The following RAD54B variants were observed in gnomAD, a reference collection of about 807,000 sequenced individuals.
RAD54B encodes the protein DNA repair and recombination protein RAD54B.
In RAD54B, 78 loss-of-function variants were observed where a neutral mutation model predicts 95.8. That is an observed-to-expected ratio of 0.81 (90% CI 0.68 to 0.98). The LOEUF (loss-of-function observed/expected upper bound fraction) is 0.98. Among genes scored for constraint, RAD54B ranks in the 50% least tolerant of loss-of-function variants. The pLI, the probability that RAD54B is intolerant of heterozygous loss-of-function variation, is 0.00. For missense variants in RAD54B, 957 were observed against 1,056.6 expected (o/e 0.91, Z 1.31); for synonymous variants, 328 against 354.9 (o/e 0.92, Z 0.85).
intron 3 of RAD54B, among the ~76,000 whole-genome samples, chr8:94,415,961 T>C (rs1475366769): frequency 2.6e-5 from 4 of 151,642 alleles, no homozygotes; most frequent in Admixed American, 6.6e-5. Flanking sequence ...AGTGTGGCGA[T>C]TCCTCAGGGA....
chr8:94,379,632 A>G (rs1438090704), intron 12 of RAD54B, among the ~76,000 whole-genome samples: 1 of 152,228 alleles, frequency 6.6e-6, no homozygotes, highest in Non-Finnish European at 1.5e-5. Flanking sequence ...GGATCCCCCA[A>G]TGCACATACC....
At chr8:94,454,929 G>A (rs1812746911) in intron 3 of RAD54B, among the ~76,000 whole-genome samples, 1 of 152,074 alleles carries the variant, frequency 6.6e-6, no homozygotes, top group Non-Finnish European at 1.5e-5. Flanking sequence ...CTCCAATGGG[G>A]AAAGATTTTT....
Position 94,471,312 on chromosome 8 carries a change from A to G in RAD54B, c.-17+3689T>C, listed in dbSNP as rs983654025. ...AAAAAAATGTTTAATGACAAGAGAA[A>G]TATGTTTTAATAAATCAAAGGAAAA... On this transcript the variant is annotated intron_variant, in intron 1 of 14. Coordinates refer to ENST00000336148, the MANE Select transcript of RAD54B (RefSeq NM_012415.3). Among the ~76,000 whole-genome samples the G allele has an allele frequency of 5.9e-5, 9 of 152,124 alleles. No individual in the cohort carries two copies. In the East Asian group the frequency reaches 1.7e-3, roughly 29 times the overall value.
At chr8:94,386,550 C>A (rs1586125190) in intron 11 of RAD54B, among the ~76,000 whole-genome samples, 1 of 151,496 alleles carries the variant, frequency 6.6e-6, no homozygotes, top group South Asian at 2.1e-4. Context: ...AGTCATCACA[C>A]ACACACACTG....
chr8:94,473,403 C>T (rs1813215943), intron 1 of RAD54B, among the ~76,000 whole-genome samples: 1 of 152,216 alleles, frequency 6.6e-6, no homozygotes, highest in Non-Finnish European at 1.5e-5. Context: ...CTGACACTTT[C>T]TAATGGTCTT....
chr8:94,454,453 AAAAC>A (rs1261187138), intron 3 of RAD54B, among the ~76,000 whole-genome samples: 2 of 152,242 alleles, frequency 1.3e-5, no homozygotes, highest in Non-Finnish European at 2.9e-5. Context: ...TCACAATTAA[AAAAC>A]AAACATTTAT....
At chr8:94,459,364 C>T (rs1812848980) in intron 2 of RAD54B, among the ~76,000 whole-genome samples, 1 of 151,756 alleles carries the variant, frequency 6.6e-6, no homozygotes, top group Non-Finnish European at 1.5e-5. Context: ...GTTGCCCAGG[C>T]TGGTCTGAAC....
At chr8:94,439,507 C>T (rs1812345210) in intron 3 of RAD54B, among the ~76,000 whole-genome samples, 1 of 152,118 alleles carries the variant, frequency 6.6e-6, no homozygotes, top group South Asian at 2.1e-4. Context: ...TGATTCTGAG[C>T]CAAATATGAG....
chr8:94,467,615 T>C (rs1231022613), intron 1 of RAD54B, 60 bp from the exon 2 acceptor site: 4 of 1,481,256 alleles, frequency 2.7e-6, no homozygotes, highest in Non-Finnish European at 3.6e-6. Context: ...CCCCCAAATA[T>C]AAAAATAGCT....
intron 3 of RAD54B, among the ~76,000 whole-genome samples, chr8:94,434,726 C>T (rs1812209332): frequency 6.6e-6 from 1 of 151,260 alleles, no homozygotes; most frequent in African/African-American, 2.4e-5. Flanking sequence ...TAAGCTAATA[C>T]AGAGAAAATG....
At chr8:94,393,958 C>A (rs1811083807) in intron 8 of RAD54B, 76 bp from the exon 9 acceptor site, 2 of 1,305,842 alleles carry the variant, frequency 1.5e-6, no homozygotes, top group African/African-American at 1.5e-5. Context: ...AGCAAAACCA[C>A]AATGGAAGTT....
chr8:94,415,640 G>C (rs1811645454), intron 3 of RAD54B, among the ~76,000 whole-genome samples: 1 of 142,052 alleles, frequency 7.0e-6, no homozygotes, highest in East Asian at 2.1e-4. Context: ...CTAATATCCA[G>C]AATCTACAAT....
At chr8:94,471,797 A>T (rs6991551) in intron 1 of RAD54B, among the ~76,000 whole-genome samples, 15,620 of 151,976 alleles carry the variant, frequency 0.1, 1,534 homozygotes, top group African/African-American at 0.25. Flanking sequence ...AGATTTTTTT[A>T]AATTACCATA....
Position 94,427,664 on chromosome 8 carries a change from A to G in RAD54B, c.305-16349T>C, listed in dbSNP as rs559055408. 20 of 963,484 alleles carry G rather than the reference A, an allele frequency of 2.1e-5. No homozygotes were observed. In the East Asian group the frequency reaches 1.8e-3, roughly 88 times the overall value. The allele number at this position is 963,484 out of a possible 1,614,324, so 59.7% of individuals were successfully genotyped here. ...TACCTCATCAAAAAATTTTACCTCT[A>G]CAGTACTGAATTATTTGTCTTAACG... On this transcript the variant is annotated intron_variant, in intron 3 of 14. Coordinates refer to ENST00000336148, the MANE Select transcript of RAD54B (RefSeq NM_012415.3).
At chr8:94,377,287 G>T (rs1199195441) in intron 14 of RAD54B, among the ~76,000 whole-genome samples, 1 of 151,992 alleles carries the variant, frequency 6.6e-6, no homozygotes, top group Non-Finnish European at 1.5e-5. Context: ...TGTAATCCCA[G>T]CACTTTGAGA....
chr8:94,466,670 G>A (rs1471458101), intron 2 of RAD54B, among the ~76,000 whole-genome samples: 3 of 152,044 alleles, frequency 2.0e-5, no homozygotes, highest in Admixed American at 6.5e-5. Flanking sequence ...GCCTCCCAAC[G>A]TGCTGGGATT....
At position 94,391,670 on chromosome 8, in the gene RAD54B, A is replaced by G; in HGVS notation, c.1748T>C (p.Ile583Thr). 1 of 1,613,936 alleles carries G rather than the reference A, an allele frequency of 6.2e-7. No homozygotes were observed. The highest frequency in any genetic ancestry group is 8.5e-7 in the Non-Finnish European group (1 of 1,179,986). Reference protein sequence around the residue: ...QGLLENSPHLICIGALKKLCN... With the variant: ...QGLLENSPHLTCIGALKKLCN... The stretch of plus-strand genomic sequence containing the variant: ...CAGTTTTTTAAGAGCTCCTATACAT[A>G]TTAGATGGGGACTATTTTCCAACAA... The change falls in exon 10 of 15, where the codon ATA (isoleucine) becomes ACA (threonine). Residue 583 changes from isoleucine to threonine, a missense_variant. Ile to Thr is a moderately conservative substitution (Grantham distance 89, BLOSUM62 -1). Coordinates refer to ENST00000336148, the MANE Select transcript of RAD54B (RefSeq NM_012415.3).
At chr8:94,442,199 G>C (rs1206822478) in intron 3 of RAD54B, among the ~76,000 whole-genome samples, 26 of 152,210 alleles carry the variant, frequency 1.7e-4, no homozygotes, top group Admixed American at 1.7e-3. Context: ...TGAATCTCAT[G>C]GAAGTAGAGA....
At chr8:94,422,620 ATATATATATATATATAT>A (rs1811846108) in intron 3 of RAD54B, among the ~76,000 whole-genome samples, 9 of 42,336 alleles carry the variant, frequency 2.1e-4, no homozygotes, top group South Asian at 8.3e-4. Context: ...AAAAAAAAAT[ATATATATATATATATAT>A]ATATATATAT....
Sources: gnomAD v4.1 joint callset for allele counts (sites outside exome capture counted in the v4.1 genomes callset) on GRCh38, gnomAD v4.1.1 for gene constraint, MANE v1.5 for transcripts, NCBI Gene and HGNC (gene_info 2026-07-23, HGNC 2026-07-21) for gene names.